Variants in ARHGEF6 observed in about 807,000 individuals in gnomAD.
ARHGEF6 encodes the protein rho guanine nucleotide exchange factor 6.
ARHGEF6 carries 9 observed loss-of-function variants against 70.3 expected under a neutral mutation model. The ratio of observed to expected loss-of-function variants is 0.13; its 90% CI spans 0.08 to 0.22. The LOEUF (loss-of-function observed/expected upper bound fraction) is 0.22. Among genes scored for constraint, ARHGEF6 ranks in the 10% least tolerant of loss-of-function variants. ARHGEF6 has a pLI of 1.00. For missense variants in ARHGEF6, 470 were observed against 563.0 expected (o/e 0.83, Z 1.67); for synonymous variants, 201 against 207.8 (o/e 0.97, Z 0.28).
At chrX:136,721,154 A>C (rs1372887885) in intron 6 of ARHGEF6, among the ~76,000 whole-genome samples, 2 of 112,530 alleles carry the variant, frequency 1.8e-5, no homozygotes, top group Non-Finnish European at 3.8e-5. Flanking sequence ...TCCAAAAATA[A>C]AAATAAAACC....
chrX:136,729,755 G>A (rs759206406), intron 6 of ARHGEF6, among the ~76,000 whole-genome samples: 2 of 108,783 alleles, frequency 1.8e-5, no homozygotes, highest in African/African-American at 3.3e-5. Flanking sequence ...TCTTGAACCC[G>A]GGAGGCGGAG....
intron 9 of ARHGEF6, among the ~76,000 whole-genome samples, chrX:136,702,963 G>A (rs1037437465): frequency 1.2e-4 from 13 of 111,391 alleles, no homozygotes; most frequent in East Asian, 2.8e-4. Context: ...GATAGACCAC[G>A]TTATGGGCCA....
chrX:136,671,311 A>G (rs1285110219), intron 20 of ARHGEF6, among the ~76,000 whole-genome samples: 1 of 112,094 alleles, frequency 8.9e-6, no homozygotes, highest in Non-Finnish European at 1.9e-5. Context: ...CACTTCACAC[A>G]TCAGATGTAA....
At chrX:136,725,364 C>T (rs1458969177) in intron 6 of ARHGEF6, among the ~76,000 whole-genome samples, 1 of 82,677 alleles carries the variant, frequency 1.2e-5, no homozygotes, top group Non-Finnish European at 2.2e-5. Flanking sequence ...TCAAATTATG[C>T]CCCCCCCCCA....
intron 2 of ARHGEF6, among the ~76,000 whole-genome samples, chrX:136,773,333 G>C (rs1603357470): frequency 8.9e-6 from 1 of 112,170 alleles, no homozygotes; most frequent in South Asian, 3.7e-4. Flanking sequence ...GCCAGGCACT[G>C]TGCCAGGCAC....
chrX:136,679,280 C>A (rs1236353110), intron 16 of ARHGEF6, among the ~76,000 whole-genome samples: 1 of 111,769 alleles, frequency 8.9e-6, no homozygotes, highest in Non-Finnish European at 1.9e-5. Flanking sequence ...TAAGGTAAAC[C>A]AGAGGCACTT....
chrX:136,737,759 C>T (rs1372356864), intron 5 of ARHGEF6, among the ~76,000 whole-genome samples: 1 of 101,234 alleles, frequency 9.9e-6, no homozygotes, highest in Non-Finnish European at 2.0e-5. Context: ...AAACATAACA[C>T]AACATAGCAT....
chrX:136,724,331 G>C (rs2076832489), intron 6 of ARHGEF6, among the ~76,000 whole-genome samples: 1 of 110,875 alleles, frequency 9.0e-6, no homozygotes, highest in Non-Finnish European at 1.9e-5. Flanking sequence ...ACCCATCTCG[G>C]CCTCCCAAAG....
Position 136,747,687 on chromosome X carries a change from A to G in ARHGEF6, c.250-95T>C, listed in dbSNP as rs2077109693. The G allele has an allele frequency of 3.7e-4, 165 of 444,703 alleles. 1 individual carries two copies. The highest frequency in any genetic ancestry group is 6.3e-4 in the East Asian group (14 of 22,180). The allele number at this position is 444,703 out of a possible 1,213,427, so 36.6% of individuals were successfully genotyped here. A position where few individuals can be genotyped will look rare whatever the true frequency, so the allele number is the denominator to read the frequency against. On this transcript the variant is annotated intron_variant, in intron 2 of 21. Transcript: ENST00000250617. Reference sequence around the variant, plus strand: ...GGCCACTTCCTCCAGCTCTCCGGAAAAAAAAAAAAAAAAAAAAAGTGTAGA... The same window carrying G: ...GGCCACTTCCTCCAGCTCTCCGGAAGAAAAAAAAAAAAAAAAAAGTGTAGA...
At chrX:136,733,597 A>G (rs2076957572) in intron 5 of ARHGEF6, among the ~76,000 whole-genome samples, 1 of 111,887 alleles carries the variant, frequency 8.9e-6, no homozygotes, top group Admixed American at 9.5e-5. Flanking sequence ...ATATTTTCCC[A>G]TTTAACCTTG....
chrX:136,753,216 A>G (rs1345632280), intron 2 of ARHGEF6, among the ~76,000 whole-genome samples: 1 of 112,396 alleles, frequency 8.9e-6, no homozygotes. Context: ...TTAAGGGAGC[A>G]AATCTTGCTC....
At chrX:136,727,383 TTCTTTCTTTCTTTCTCTC>T (rs1488042120) in intron 6 of ARHGEF6, among the ~76,000 whole-genome samples, 29 of 67,465 alleles carry the variant, frequency 4.3e-4, no homozygotes, top group African/African-American at 1.7e-3. Context: ...CTTTCTTTCT[TTCTTTCTTTCTTTCTCTC>T]TCTCTCTCTC....
At chrX:136,741,327 C>T (rs2077039747) in intron 5 of ARHGEF6, among the ~76,000 whole-genome samples, 1 of 111,455 alleles carries the variant, frequency 9.0e-6, no homozygotes, top group Non-Finnish European at 1.9e-5. Flanking sequence ...TGATGATCTA[C>T]TTCCACTTAA....
intron 2 of ARHGEF6, among the ~76,000 whole-genome samples, chrX:136,775,947 C>CA (rs759859438): frequency 3.6e-5 from 4 of 110,304 alleles, no homozygotes; most frequent in South Asian, 3.8e-4. Flanking sequence ...ACAACAGCTG[C>CA]AAAAAAAATA....
At chrX:136,756,570 G>C (rs1055147077) in intron 2 of ARHGEF6, among the ~76,000 whole-genome samples, 1 of 111,790 alleles carries the variant, frequency 8.9e-6, no homozygotes, top group Non-Finnish European at 1.9e-5. Context: ...CTCACAGCCA[G>C]AGCACAATGG....
chrX:136,685,584 G>A, intron 12 of ARHGEF6, 93 bp downstream of exon 12: 1 of 1,045,584 alleles, frequency 9.6e-7, no homozygotes, highest in South Asian at 2.0e-5. Flanking sequence ...TCCAGCCTGA[G>A]TGACAGAACA....
rs758201582 is a variant in ARHGEF6 at position 136,687,859 on chromosome X, T to C, written c.1245+73A>G. 3 of 881,991 alleles carry C rather than the reference T, an allele frequency of 3.4e-6. No individual in the cohort carries two copies. The East Asian group carries it at 9.3e-5, about 27-fold the overall frequency. 72.7% of individuals were successfully genotyped at this position (881,991 alleles called of 1,213,427 possible). A position where few individuals can be genotyped will look rare whatever the true frequency, so the allele number is the denominator to read the frequency against. Reference sequence around the variant, plus strand: ...AAAGACCTTTGTATAGGGAAAGAAATGTTACACACAAATCGCTCTTTCAGG... The same window carrying C: ...AAAGACCTTTGTATAGGGAAAGAAACGTTACACACAAATCGCTCTTTCAGG... On this transcript the variant is annotated intron_variant, in intron 11 of 21. Transcript: ENST00000250617.
At position 136,747,639 on chromosome X, in the gene ARHGEF6, C is replaced by T. The variant is rs758362748; in HGVS notation, c.250-47G>A. 2.4e-4 allele frequency: 157 copies of T among 645,737 alleles called. 1 individual carries two copies. The South Asian group carries it at 3.8e-3, about 16-fold the overall frequency. The allele number at this position is 645,737 out of a possible 1,213,427, so 53.2% of individuals were successfully genotyped here. A position where few individuals can be genotyped will look rare whatever the true frequency, so the allele number is the denominator to read the frequency against. On this transcript the variant is annotated intron_variant, in intron 2 of 21. Coordinates refer to ENST00000250617, the MANE Select transcript of ARHGEF6 (RefSeq NM_004840.3). The stretch of plus-strand genomic sequence containing the variant: ...ACCGTAAGACACTACAAGTATTCAA[C>T]TCAACAAACAAAACTATCAAAAGGC...
In ARHGEF6 at chrX:136,709,129, C is replaced by A. The variant is rs146656353; in HGVS notation, c.828-359G>T. ...GTACCTTCCTCTGGATGAACTGGAA[C>A]AGTAATTGAAAGATATTATATATGC... is the stretch of plus-strand genomic sequence containing the variant. On this transcript the variant is annotated intron_variant, in intron 7 of 21. Transcript: ENST00000250617. Among the ~76,000 whole-genome samples the A allele has an allele frequency of 4.3e-3, 478 of 111,857 alleles. 6 individuals are homozygous for A. Among genetic ancestry groups the A allele is most frequent in the African/African-American group, 0.015 (463 of 30,825 alleles).
Sources: allele counts gnomAD v4.1 joint callset (sites outside exome capture counted in the v4.1 genomes callset), GRCh38; gene constraint gnomAD v4.1.1; transcripts MANE v1.5; gene names NCBI Gene and HGNC (gene_info 2026-07-23, HGNC 2026-07-21).